NRG1: variants seen among roughly 807,000 people sequenced by gnomAD.
NRG1 encodes neuregulin 1.
A neutral mutation model predicts 63.8 loss-of-function variants in NRG1; 18 were observed. The ratio of observed to expected loss-of-function variants is 0.28; its 90% CI spans 0.19 to 0.42. The LOEUF is 0.42. Among genes scored for constraint, NRG1 ranks in the 10% least tolerant of loss-of-function variants. The pLI, the probability that NRG1 is intolerant of heterozygous loss-of-function variation, is 1.00. For missense variants in NRG1, 762 were observed against 814.7 expected, an observed-to-expected ratio of 0.94 and a Z score of 0.79; for synonymous variants, 302 against 301.3, an observed-to-expected ratio of 1.00 and a Z score of -0.02.
intron 1 of NRG1, among the ~76,000 whole-genome samples, chr8:32,230,867 A>G (rs1304558664): frequency 2.0e-5 from 3 of 152,134 alleles, no homozygotes; most frequent in South Asian, 4.1e-4. Context: ...CATGTCTTAT[A>G]TTAGAAACAG....
At chr8:32,415,846 C>A (rs897632650) in intron 1 of NRG1, among the ~76,000 whole-genome samples, 1 of 152,118 alleles carries the variant, frequency 6.6e-6, no homozygotes, top group Non-Finnish European at 1.5e-5. Context: ...TCATGGCTGG[C>A]CAAGTACATG....
At chr8:31,770,002 G>A (rs1403822119) in intron 1 of NRG1, among the ~76,000 whole-genome samples, 1 of 152,106 alleles carries the variant, frequency 6.6e-6, no homozygotes, top group African/African-American at 2.4e-5. Flanking sequence ...AATACTCCAG[G>A]AAATAGGTGT....
intron 1 of NRG1, among the ~76,000 whole-genome samples, chr8:32,348,111 G>A (rs1805146496): frequency 6.6e-6 from 1 of 152,142 alleles, no homozygotes; most frequent in African/African-American, 2.4e-5. Flanking sequence ...AATTACTCTA[G>A]GGGTTTATTG....
At chr8:32,401,131 G>A (rs1813137102) in intron 1 of NRG1, among the ~76,000 whole-genome samples, 1 of 152,002 alleles carries the variant, frequency 6.6e-6, no homozygotes, top group Admixed American at 6.6e-5. Context: ...ACAGACACTG[G>A]GGCCTACTTG....
intron 1 of NRG1, among the ~76,000 whole-genome samples, chr8:31,814,614 C>T (rs527864156): frequency 1.7e-4 from 26 of 150,546 alleles, no homozygotes; most frequent in Non-Finnish European, 3.2e-4. Flanking sequence ...TGCCACTGTC[C>T]GTGTTTCCCC....
At chr8:32,613,478 C>T (rs1171985485) in intron 3 of NRG1, among the ~76,000 whole-genome samples, 1 of 151,956 alleles carries the variant, frequency 6.6e-6, no homozygotes, top group Non-Finnish European at 1.5e-5. Flanking sequence ...ATGGCCATAT[C>T]TGTATTTAAA....
At chr8:32,652,749 C>T (rs1385241574) in intron 5 of NRG1, among the ~76,000 whole-genome samples, 1 of 149,248 alleles carries the variant, frequency 6.7e-6, no homozygotes, top group Non-Finnish European at 1.5e-5. Flanking sequence ...TGATCTTTTC[C>T]TCTTTTTTTT....
intron 1 of NRG1, among the ~76,000 whole-genome samples, chr8:32,201,590 T>C (rs539520188): frequency 5.8e-4 from 89 of 152,184 alleles, no homozygotes; most frequent in Non-Finnish European, 1.1e-3. Flanking sequence ...ACACATGAAA[T>C]GATTCATTAC....
At chr8:32,160,025 A>T (rs1451582247) in intron 1 of NRG1, among the ~76,000 whole-genome samples, 1 of 152,138 alleles carries the variant, frequency 6.6e-6, no homozygotes, top group African/African-American at 2.4e-5. Context: ...TGTGAGTCTG[A>T]CATAGGAAGA....
At chr8:32,769,180 G>T (rs563775254), downstream of NRG1, among the ~76,000 whole-genome samples, 81 of 152,304 alleles carry the variant, frequency 5.3e-4, 1 homozygote, top group African/African-American at 1.9e-3. Flanking sequence ...ATTATTCTCA[G>T]TTTTTGCTGA....
intron 1 of NRG1, among the ~76,000 whole-genome samples, chr8:32,536,375 CG>C (rs1831968512): frequency 6.6e-6 from 1 of 152,130 alleles, no homozygotes; most frequent in African/African-American, 2.4e-5. Context: ...TCTCACTATA[CG>C]ACAGCTACTT....
At chr8:31,922,527 C>T (rs976044391) in intron 1 of NRG1, among the ~76,000 whole-genome samples, 1 of 152,104 alleles carries the variant, frequency 6.6e-6, no homozygotes, top group African/African-American at 2.4e-5. Context: ...AAAGTCACCT[C>T]TATGTCATTG....
chr8:31,943,596 A>G (rs1802098830), intron 1 of NRG1, among the ~76,000 whole-genome samples: 1 of 152,148 alleles, frequency 6.6e-6, no homozygotes, highest in African/African-American at 2.4e-5. Context: ...CGAGGAAGCA[A>G]CATAAATAAA....
At chr8:32,259,001 A>G (rs1201526543) in intron 1 of NRG1, among the ~76,000 whole-genome samples, 1 of 152,218 alleles carries the variant, frequency 6.6e-6, no homozygotes, top group Non-Finnish European at 1.5e-5. Context: ...ACACCAGCTT[A>G]TTACTTACCC....
At chr8:32,427,801 C>G (rs1679901862) in intron 1 of NRG1, among the ~76,000 whole-genome samples, 1 of 152,070 alleles carries the variant, frequency 6.6e-6, no homozygotes, top group Non-Finnish European at 1.5e-5. Context: ...TGCTCAGTGT[C>G]AAGGAAATGG....
At chr8:32,245,886 A>C (rs2347066) in intron 1 of NRG1, among the ~76,000 whole-genome samples, 2 of 151,928 alleles carry the variant, frequency 1.3e-5, no homozygotes, top group African/African-American at 4.8e-5. Flanking sequence ...TATAAATTTC[A>C]GTAAATGCCT....
At chr8:32,024,261 A>G (rs942683673) in intron 1 of NRG1, among the ~76,000 whole-genome samples, 8 of 152,194 alleles carry the variant, frequency 5.3e-5, no homozygotes, top group African/African-American at 1.9e-4. Context: ...TAAGAGCATC[A>G]CTGCTGTATT....
chr8:32,243,999 G>T (rs1331335239), intron 1 of NRG1, among the ~76,000 whole-genome samples: 1 of 152,064 alleles, frequency 6.6e-6, no homozygotes, highest in Non-Finnish European at 1.5e-5. Context: ...GCAGTCTATG[G>T]TATTTTGTTA....
rs139334334 is a variant in NRG1, at chr8:32,479,017, G to A, written c.38-116811G>A. On this transcript the variant is annotated intron_variant, in intron 1 of 10. Transcript: ENST00000519301. ...TAAGATAACATCTGTTTACTAAGAA[G>A]GGGGTGTGCTTACCTGCTCTAAGGT... Among the ~76,000 whole-genome samples, 1,499 of 152,260 alleles carry A rather than the reference G, an allele frequency of 9.8e-3. 34 individuals carry two copies. Among genetic ancestry groups the A allele is most frequent in the African/African-American group, 0.034 (1,432 of 41,542 alleles).
Sources: gnomAD v4.1 joint callset for allele counts (sites outside exome capture counted in the v4.1 genomes callset) on GRCh38, gnomAD v4.1.1 for gene constraint, MANE v1.5 for transcripts, NCBI Gene and HGNC (gene_info 2026-07-23, HGNC 2026-07-21) for gene names.